Variants in SLC9A7 observed in about 807,000 individuals in gnomAD.
The protein encoded by SLC9A7 is sodium/hydrogen exchanger 7.
Under a neutral mutation model 52.6 loss-of-function variants are expected in SLC9A7, and 19 were observed. The ratio of observed to expected loss-of-function variants is 0.36; its 90% CI spans 0.25 to 0.53. SLC9A7 has a LOEUF of 0.53. Among genes scored for constraint, SLC9A7 ranks in the 20% least tolerant of loss-of-function variants. The pLI is 0.91. For synonymous variants in SLC9A7, 226 were observed against 252.1 expected (o/e 0.90, Z 0.98); for missense variants, 455 against 597.9 (o/e 0.76, Z 2.49).
intron 7 of SLC9A7, among the ~76,000 whole-genome samples, chrX:46,656,010 C>A (rs6521136): frequency 9.4e-6 from 1 of 106,927 alleles, no homozygotes; most frequent in African/African-American, 3.5e-5. Flanking sequence ...TCTCCCAGCA[C>A]GCAGCTGGAG....
chrX:46,648,658 C>A (rs1290404530), intron 11 of SLC9A7, 28 bp downstream of exon 11: 4 of 1,056,589 alleles, frequency 3.8e-6, no homozygotes, highest in African/African-American at 3.7e-5. Context: ...GAATAAAACT[C>A]ATTTTCTTTA....
chrX:46,656,548 C>T (rs1690587240), intron 7 of SLC9A7, among the ~76,000 whole-genome samples: 1 of 112,176 alleles, frequency 8.9e-6, no homozygotes, highest in African/African-American at 3.2e-5. Context: ...GAGCTGAAAA[C>T]CAAGGCTTGA....
At chrX:46,721,724 G>A (rs1944863539) in intron 1 of SLC9A7, among the ~76,000 whole-genome samples, 1 of 111,717 alleles carries the variant, frequency 9.0e-6, no homozygotes, top group Admixed American at 9.5e-5. Context: ...GGACTCTCTT[G>A]CAAACAATAT....
At position 46,606,614 on chromosome X, in the gene SLC9A7, C is replaced by A. The variant is rs975520822; in HGVS notation, c.*338G>T. On this transcript the variant is annotated 3_prime_UTR_variant, in exon 17 of 17. Transcript: ENST00000616978. ...GCAGCCTCTCATGGGAGGAATCCCCCCACCCAGCACCTGCCTCGCCTTGTT... is the reference window on the plus strand; with the variant it reads ...GCAGCCTCTCATGGGAGGAATCCCCACACCCAGCACCTGCCTCGCCTTGTT... 31 of 902,687 alleles carry A rather than the reference C, an allele frequency of 3.4e-5. No homozygotes were observed. Among genetic ancestry groups the A allele is most frequent in the Non-Finnish European group, 4.0e-5 (29 of 733,151 alleles). The allele number at this position is 902,687 out of a possible 1,213,427, so 74.4% of individuals were successfully genotyped here.
intron 11 of SLC9A7, among the ~76,000 whole-genome samples, chrX:46,647,632 C>T (rs1943514983): frequency 8.9e-6 from 1 of 112,774 alleles, no homozygotes; most frequent in South Asian, 3.6e-4. Flanking sequence ...CTGTGAGCTC[C>T]ATGAAGGAGG....
chrX:46,651,743 G>A (rs772035720), intron 8 of SLC9A7, among the ~76,000 whole-genome samples: 14 of 107,784 alleles, frequency 1.3e-4, no homozygotes, highest in Non-Finnish European at 1.9e-4. Flanking sequence ...TGAGAGGATC[G>A]CTTGAGCCTG....
At chrX:46,657,380 T>G (rs774628842) in intron 7 of SLC9A7, among the ~76,000 whole-genome samples, 2 of 108,229 alleles carry the variant, frequency 1.8e-5, no homozygotes, top group Admixed American at 9.9e-5. Flanking sequence ...CAATATTAAC[T>G]TTAAATGTAA....
chrX:46,661,948 CTT>C (rs1943830059), intron 7 of SLC9A7, 66 bp downstream of exon 7: 1 of 997,325 alleles, frequency 1.0e-6, no homozygotes, highest in African/African-American at 2.0e-5. Flanking sequence ...CAGCTGAGAA[CTT>C]TCTTTTTGAA....
intron 15 of SLC9A7, among the ~76,000 whole-genome samples, chrX:46,613,633 G>A (rs1353348849): frequency 8.9e-6 from 1 of 111,955 alleles, no homozygotes; most frequent in Non-Finnish European, 1.9e-5. Context: ...CAGTTCAAAC[G>A]TGTATTTGAT....
intron 1 of SLC9A7, among the ~76,000 whole-genome samples, chrX:46,701,846 G>C (rs1396508894): frequency 1.8e-5 from 2 of 110,754 alleles, no homozygotes; most frequent in Non-Finnish European, 3.8e-5. Context: ...AATTTATCAG[G>C]ATAAAAATGG....
intron 1 of SLC9A7, among the ~76,000 whole-genome samples, chrX:46,718,639 T>C (rs1480282755): frequency 5.4e-5 from 6 of 112,129 alleles, no homozygotes; most frequent in African/African-American, 9.7e-5. Flanking sequence ...GGGTGAAGGA[T>C]ATGAACAGAC....
intron 1 of SLC9A7, among the ~76,000 whole-genome samples, chrX:46,686,799 G>A (rs187642517): frequency 1.1e-4 from 12 of 112,002 alleles, no homozygotes; most frequent in Admixed American, 5.7e-4. Flanking sequence ...CACTGATTTC[G>A]TAGGTACATT....
chrX:46,631,754 G>C, intron 13 of SLC9A7, 105 bp from the exon 14 acceptor site: 1 of 589,400 alleles, frequency 1.7e-6, no homozygotes, highest in Non-Finnish European at 2.8e-6. Context: ...TCATCTTCCC[G>C]AAGCATAAGG....
intron 1 of SLC9A7, among the ~76,000 whole-genome samples, chrX:46,735,343 A>G (rs1945104572): frequency 9.0e-6 from 1 of 111,452 alleles, no homozygotes. Context: ...ATGTTTTTAA[A>G]TAATCTGAGT....
At chrX:46,612,016 C>G (rs976608713) in intron 16 of SLC9A7, among the ~76,000 whole-genome samples, 2 of 111,727 alleles carry the variant, frequency 1.8e-5, no homozygotes, top group Non-Finnish European at 3.8e-5. Context: ...GTTCTGCCTT[C>G]TCATCACCAA....
At chrX:46,675,061 ATGTGTGTGTGTGTG>A (rs397895552) in intron 3 of SLC9A7, among the ~76,000 whole-genome samples, 4,312 of 68,779 alleles carry the variant, frequency 0.063, 241 homozygotes, top group African/African-American at 0.16. Context: ...GAGAGAGTGA[ATGTGTGTGTGTGTG>A]TGTGTGTGTG....
chrX:46,655,804 C>A (rs890621664), intron 7 of SLC9A7, among the ~76,000 whole-genome samples: 1 of 112,565 alleles, frequency 8.9e-6, no homozygotes, highest in Admixed American at 9.3e-5. Flanking sequence ...GAGGGGCGCC[C>A]GCCATTGCCC....
chrX:46,656,164 G>A (rs745903820), intron 7 of SLC9A7, among the ~76,000 whole-genome samples: 1 of 111,842 alleles, frequency 8.9e-6, no homozygotes, highest in East Asian at 2.8e-4. Flanking sequence ...TGAGGGTCCT[G>A]TCTGTTAGAA....
chrX:46,709,709 T>C (rs577832356), intron 1 of SLC9A7, among the ~76,000 whole-genome samples: 1 of 112,289 alleles, frequency 8.9e-6, no homozygotes, highest in Middle Eastern at 4.6e-3. Flanking sequence ...TGAGAGTTCA[T>C]AGCTAACTGA....
Sources: gnomAD v4.1 joint callset for allele counts (sites outside exome capture counted in the v4.1 genomes callset) on GRCh38, gnomAD v4.1.1 for gene constraint, MANE v1.5 for transcripts, NCBI Gene and HGNC (gene_info 2026-07-23, HGNC 2026-07-21) for gene names.